Variants in FAF1 observed in about 807,000 individuals in gnomAD.
FAF1 encodes the protein FAS-associated factor 1.
In FAF1, 25 loss-of-function variants were observed where a neutral mutation model predicts 92.5. That is an observed-to-expected ratio of 0.27 (90% CI 0.20 to 0.38). FAF1 has a LOEUF of 0.38. FAF1 is among the 10% of genes least tolerant of loss of function. The probability of loss-of-function intolerance (pLI) is 1.00; values close to 1 mark genes in which losing one functional copy is unlikely to be tolerated. For missense variants in FAF1, 636 were observed against 793.3 expected (o/e 0.80, Z 2.38); for synonymous variants, 234 against 273.2 (o/e 0.86, Z 1.42).
chr1:50,609,102 T>C (rs907677765), intron 8 of FAF1, among the ~76,000 whole-genome samples: 1 of 152,202 alleles, frequency 6.6e-6, no homozygotes, highest in Non-Finnish European at 1.5e-5. Context: ...AACCACAATG[T>C]GTCAAGACCT....
intron 9 of FAF1, among the ~76,000 whole-genome samples, chr1:50,586,567 G>C (rs1651241960): frequency 6.6e-6 from 1 of 152,116 alleles, no homozygotes; most frequent in South Asian, 2.1e-4. Flanking sequence ...TACATTTGTT[G>C]CATGAATAAA....
At chr1:50,594,862 AC>A (rs1651717951) in intron 9 of FAF1, among the ~76,000 whole-genome samples, 1 of 140,496 alleles carries the variant, frequency 7.1e-6, no homozygotes, top group Admixed American at 7.2e-5. Flanking sequence ...CAAGAGTGAA[AC>A]CCCATCTCAA....
chr1:50,516,668 G>A (rs147437358), intron 15 of FAF1, among the ~76,000 whole-genome samples: 133 of 152,298 alleles, frequency 8.7e-4, no homozygotes, highest in African/African-American at 3.1e-3. Context: ...TGGCTCTCAA[G>A]CATATGTAGG....
chr1:50,779,430 T>C (rs1661081299), intron 4 of FAF1, among the ~76,000 whole-genome samples: 1 of 152,172 alleles, frequency 6.6e-6, no homozygotes, highest in Non-Finnish European at 1.5e-5. Context: ...ATGAAATGTA[T>C]TTCTTGAATA....
At chr1:50,755,230 T>C (rs1660028528) in intron 4 of FAF1, among the ~76,000 whole-genome samples, 2 of 152,032 alleles carry the variant, frequency 1.3e-5, no homozygotes, top group African/African-American at 2.4e-5. Flanking sequence ...CTAGATACAA[T>C]GGGGGTACCG....
chr1:50,951,830 A>G (rs1276715510), intron 1 of FAF1, among the ~76,000 whole-genome samples: 3 of 152,236 alleles, frequency 2.0e-5, no homozygotes, highest in Non-Finnish European at 4.4e-5. Context: ...TGTTTGGATC[A>G]ATACCATTTC....
intron 5 of FAF1, among the ~76,000 whole-genome samples, chr1:50,742,178 G>A (rs568748643): frequency 7.9e-5 from 12 of 151,392 alleles, no homozygotes; most frequent in African/African-American, 2.2e-4. Context: ...TTAGCCAGGC[G>A]TGGTGCACAT....
chr1:50,622,560 A>T (rs1407943457), intron 8 of FAF1, among the ~76,000 whole-genome samples: 1 of 152,154 alleles, frequency 6.6e-6, no homozygotes, highest in Non-Finnish European at 1.5e-5. Flanking sequence ...ATATTAGTAC[A>T]ATTGTCATCC....
chr1:50,454,841 G>A (rs1206859691), intron 18 of FAF1, among the ~76,000 whole-genome samples: 3 of 152,210 alleles, frequency 2.0e-5, no homozygotes, highest in Admixed American at 2.0e-4. Flanking sequence ...CTCCAGCCAG[G>A]TTGAATTCTG....
In FAF1 at chr1:50,734,337, A is replaced by C. The variant is rs915790847; in HGVS notation, c.551+4526T>G. On this transcript the variant is annotated intron_variant, in intron 6 of 18. Transcript: ENST00000396153. ...CCATTCTACCAAAAATGATTTTAAC[A>C]AAGTTATTAATTACTTATATTCCCA... Among the ~76,000 whole-genome samples, 9 of 152,364 alleles carry C rather than the reference A, an allele frequency of 5.9e-5. No homozygotes were observed. In the East Asian group the frequency reaches 1.7e-3, roughly 29 times the overall value.
intron 8 of FAF1, among the ~76,000 whole-genome samples, chr1:50,617,610 T>A (rs974061707): frequency 6.6e-6 from 1 of 152,200 alleles, no homozygotes; most frequent in Non-Finnish European, 1.5e-5. Context: ...TTACTTCTCT[T>A]TCTTTATGGT....
At chr1:50,721,170 ATTT>A (rs923448682) in intron 6 of FAF1, among the ~76,000 whole-genome samples, 1 of 147,812 alleles carries the variant, frequency 6.8e-6, no homozygotes, top group African/African-American at 2.5e-5. Context: ...ACTTTGGGAA[ATTT>A]TTTTTTTTTC....
chr1:50,675,460 A>C (rs1473438999), intron 7 of FAF1, among the ~76,000 whole-genome samples: 1 of 152,266 alleles, frequency 6.6e-6, no homozygotes, highest in Non-Finnish European at 1.5e-5. Context: ...ATTAGAGAGC[A>C]TTGCCTATCC....
At chr1:50,466,487 T>C (rs569635573) in intron 18 of FAF1, among the ~76,000 whole-genome samples, 13 of 152,166 alleles carry the variant, frequency 8.5e-5, no homozygotes, top group African/African-American at 3.1e-4. Context: ...TGGATATATA[T>C]ATTTGTGAGT....
chr1:50,927,351 C>T (rs1056086383), intron 1 of FAF1, among the ~76,000 whole-genome samples: 9 of 151,872 alleles, frequency 5.9e-5, no homozygotes, highest in Non-Finnish European at 8.8e-5. Context: ...GAGGCCGAGG[C>T]GGGTGGGTCA....
intron 4 of FAF1, 130 bp from the exon 5 acceptor site, chr1:50,744,905 G>T: frequency 2.1e-6 from 1 of 486,768 alleles, no homozygotes; most frequent in Non-Finnish European, 3.6e-6. Context: ...GAATATTTCT[G>T]TATCTATAAA....
chr1:50,602,851 C>T (rs924974828), intron 8 of FAF1, among the ~76,000 whole-genome samples: 2 of 152,034 alleles, frequency 1.3e-5, no homozygotes, highest in African/African-American at 2.4e-5. Flanking sequence ...GAAACCATTC[C>T]GTATTTTAAA....
At chr1:50,527,747 C>T (rs1339368904) in intron 15 of FAF1, among the ~76,000 whole-genome samples, 2 of 151,392 alleles carry the variant, frequency 1.3e-5, no homozygotes, top group African/African-American at 4.8e-5. Flanking sequence ...CACCCCATTA[C>T]CATTGTATAT....
At chr1:50,866,746 A>G (rs557866943) in intron 1 of FAF1, among the ~76,000 whole-genome samples, 3 of 152,230 alleles carry the variant, frequency 2.0e-5, no homozygotes, top group Middle Eastern at 3.4e-3. Context: ...TCAATACTAG[A>G]AAGATGACCA....
Sources: allele counts gnomAD v4.1 joint callset (sites outside exome capture counted in the v4.1 genomes callset), GRCh38; gene constraint gnomAD v4.1.1; transcripts MANE v1.5; gene names NCBI Gene and HGNC (gene_info 2026-07-23, HGNC 2026-07-21).